Variants in SGCZ observed in about 807,000 individuals in gnomAD.
SGCZ encodes the protein sarcoglycan zeta, also known as zeta-sarcoglycan.
SGCZ carries 40 observed loss-of-function variants against 41.3 expected under a neutral mutation model. The observed-to-expected ratio is 0.97, with a 90% CI of 0.75 to 1.26. The LOEUF is 1.26. Ranked by LOEUF, SGCZ falls within the 50% of genes most tolerant of loss-of-function variation. The pLI, the probability that SGCZ is intolerant of heterozygous loss-of-function variation, is 0.00. For missense variants in SGCZ, 552 were observed against 369.8 expected, an observed-to-expected ratio of 1.49 and a Z score of -4.04; for synonymous variants, 206 against 137.5, an observed-to-expected ratio of 1.50 and a Z score of -3.49.
At chr8:15,127,152 G>A (rs570720737) in intron 1 of SGCZ, among the ~76,000 whole-genome samples, 1 of 151,904 alleles carries the variant, frequency 6.6e-6, no homozygotes, top group African/African-American at 2.4e-5. Flanking sequence ...AAGAACTATA[G>A]GGTAGTCAAA....
chr8:14,141,233 A>G lies in SGCZ; in HGVS notation c.547+23347T>C, dbSNP rs141636777. ...CCATAAAAACCCTAGAAGGAAACCT[A>G]TACCATTCAGGACACAGGCATGGGC... On this transcript the variant is annotated intron_variant, in intron 5 of 7. Coordinates refer to ENST00000382080, the MANE Select transcript of SGCZ (RefSeq NM_139167.4). Among the ~76,000 whole-genome samples, 769 of 152,008 alleles carry G rather than the reference A, an allele frequency of 5.1e-3. 6 individuals carry two copies. Among genetic ancestry groups the G allele is most frequent in the African/African-American group, 0.018 (740 of 41,538 alleles).
rs563620348 is a variant in SGCZ, at chr8:15,122,532, G to A, written c.39+115053C>T. 5.3e-5 allele frequency among the ~76,000 whole-genome samples: 8 copies of A among 152,120 alleles called. 1 individual carries two copies. In the East Asian group the frequency reaches 1.2e-3, roughly 22 times the overall value. The stretch of plus-strand genomic sequence containing the variant: ...GAAAGGATAAGCACAAATGATTGAC[G>A]GTTGAAGATTTATATATTTTAATAG... On this transcript the variant is annotated intron_variant, in intron 1 of 7. Coordinates refer to ENST00000382080, the MANE Select transcript of SGCZ (RefSeq NM_139167.4).
At chr8:14,511,992 C>T (rs1802480935) in intron 2 of SGCZ, among the ~76,000 whole-genome samples, 2 of 152,026 alleles carry the variant, frequency 1.3e-5, no homozygotes, top group African/African-American at 4.8e-5. Context: ...ATAAACAAAG[C>T]TATAAAATTA....
intron 1 of SGCZ, among the ~76,000 whole-genome samples, chr8:15,110,878 G>A (rs1807023466): frequency 6.6e-6 from 1 of 152,174 alleles, no homozygotes; most frequent in South Asian, 2.1e-4. Context: ...TGAGGCAGGA[G>A]AATCACTTGA....
At chr8:14,383,943 T>A (rs1449189226) in intron 2 of SGCZ, among the ~76,000 whole-genome samples, 1 of 151,992 alleles carries the variant, frequency 6.6e-6, no homozygotes, top group Non-Finnish European at 1.5e-5. Context: ...ACAGAATATT[T>A]TGAATTTTCT....
chr8:14,284,897 A>G (rs895133681), intron 3 of SGCZ, among the ~76,000 whole-genome samples: 13 of 151,980 alleles, frequency 8.6e-5, no homozygotes, highest in African/African-American at 2.9e-4. Flanking sequence ...TTTTCTGTTG[A>G]TTTTTGATCA....
At chr8:14,258,718 G>C (rs1358034653) in intron 3 of SGCZ, among the ~76,000 whole-genome samples, 1 of 152,090 alleles carries the variant, frequency 6.6e-6, no homozygotes, top group Non-Finnish European at 1.5e-5. Flanking sequence ...CCTGCAAGCA[G>C]GCAAAACCCA....
chr8:14,670,371 C>G (rs1808064323), intron 1 of SGCZ, among the ~76,000 whole-genome samples: 2 of 152,114 alleles, frequency 1.3e-5, no homozygotes, highest in Admixed American at 1.3e-4. Context: ...CTAATACTGT[C>G]TCTTCTGAAT....
intron 1 of SGCZ, among the ~76,000 whole-genome samples, chr8:14,642,996 A>G (rs1460176440): frequency 6.6e-6 from 1 of 151,600 alleles, no homozygotes; most frequent in Non-Finnish European, 1.5e-5. Context: ...GAAGGTGCTG[A>G]ATAGTATTTT....
chr8:14,684,676 G>A lies in SGCZ; in HGVS notation c.40-129750C>T, dbSNP rs181647680. 4.7e-4 allele frequency among the ~76,000 whole-genome samples: 69 copies of A among 146,586 alleles called. No individual in the cohort carries two copies. In the East Asian group the frequency reaches 0.011, roughly 24 times the overall value. On this transcript the variant is annotated intron_variant, in intron 1 of 7. Transcript: ENST00000382080. ...TCAAATCTGAGGCTGAAATAGTTTCGACACCTTTGTTTTTCCTTTTTTTGT... is the reference window on the plus strand; with the variant it reads ...TCAAATCTGAGGCTGAAATAGTTTCAACACCTTTGTTTTTCCTTTTTTTGT...
chr8:14,949,259 G>A (rs539265064), intron 1 of SGCZ, among the ~76,000 whole-genome samples: 4 of 152,158 alleles, frequency 2.6e-5, no homozygotes, highest in African/African-American at 9.6e-5. Flanking sequence ...AAATATTTTC[G>A]CCTTTCAAGG....
chr8:14,587,191 G>A (rs1207180573), intron 1 of SGCZ, among the ~76,000 whole-genome samples: 3 of 151,404 alleles, frequency 2.0e-5, no homozygotes, highest in South Asian at 2.1e-4. Context: ...TAATGAGAGG[G>A]TTTTACACAA....
intron 3 of SGCZ, among the ~76,000 whole-genome samples, chr8:14,273,057 AT>A (rs1800114034): frequency 6.6e-6 from 1 of 152,038 alleles, no homozygotes; most frequent in Admixed American, 6.5e-5. Context: ...TGTATACAAA[AT>A]TTTGTATACA....
intron 5 of SGCZ, among the ~76,000 whole-genome samples, chr8:14,151,172 G>C (rs1803697363): frequency 6.6e-6 from 1 of 152,074 alleles, no homozygotes; most frequent in Non-Finnish European, 1.5e-5. Flanking sequence ...GTATCTTAAA[G>C]AGTATAATTG....
chr8:15,022,594 G>A (rs755588673), intron 1 of SGCZ, among the ~76,000 whole-genome samples: 13 of 152,006 alleles, frequency 8.6e-5, no homozygotes, highest in South Asian at 4.2e-4. Flanking sequence ...CACCCGCCTC[G>A]GCCTCACAAA....
At chr8:15,085,805 A>G (rs983660408) in intron 1 of SGCZ, among the ~76,000 whole-genome samples, 2 of 152,118 alleles carry the variant, frequency 1.3e-5, no homozygotes, top group Non-Finnish European at 2.9e-5. Flanking sequence ...CATTTTGCCA[A>G]GTCAACACAC....
At chr8:14,946,368 C>T (rs916432243) in intron 1 of SGCZ, among the ~76,000 whole-genome samples, 3 of 151,732 alleles carry the variant, frequency 2.0e-5, no homozygotes, top group African/African-American at 4.8e-5. Context: ...CAGAAGGAAA[C>T]GCTGCTCTCC....
At chr8:14,735,223 G>A (rs372765577) in intron 1 of SGCZ, among the ~76,000 whole-genome samples, 1 of 152,088 alleles carries the variant, frequency 6.6e-6, no homozygotes, top group East Asian at 1.9e-4. Flanking sequence ...TTGGATTAAA[G>A]GATGCCTCCA....
chr8:14,688,717 T>C (rs558922959), intron 1 of SGCZ, among the ~76,000 whole-genome samples: 1 of 152,240 alleles, frequency 6.6e-6, no homozygotes, highest in East Asian at 1.9e-4. Context: ...AGTAGTTTTT[T>C]CCAATTGTGT....
Sources: gnomAD v4.1 joint callset for allele counts (sites outside exome capture counted in the v4.1 genomes callset) on GRCh38, gnomAD v4.1.1 for gene constraint, MANE v1.5 for transcripts, NCBI Gene and HGNC (gene_info 2026-07-23, HGNC 2026-07-21) for gene names.